Variants in PPP1R12C observed in about 807,000 individuals in gnomAD.
PPP1R12C encodes the protein leukocyte receptor cluster (LRC) encoded novel gene 3.
Under a neutral mutation model 95.6 loss-of-function variants are expected in PPP1R12C, and 48 were observed. That is an observed-to-expected ratio of 0.50 (90% confidence interval 0.40 to 0.64). The LOEUF (loss-of-function observed/expected upper bound fraction) is 0.64. PPP1R12C is among the 30% of genes least tolerant of loss of function. PPP1R12C has a pLI of 0.00. For missense variants in PPP1R12C, 1,057 were observed against 1,083.3 expected (o/e 0.98, Z 0.34); for synonymous variants, 480 against 460.8 (o/e 1.04, Z -0.53).
intron 21 of PPP1R12C, 24 bp downstream of exon 21, chr19:55,091,626 G>A: frequency 6.4e-7 from 1 of 1,556,672 alleles, no homozygotes; most frequent in South Asian, 1.1e-5. Context: ...TCGGCCCTCT[G>A]CCCACAGCCC....
At position 55,092,534 on chromosome 19, in the gene PPP1R12C, C is replaced by G. The variant is rs1445441867; in HGVS notation, c.1963G>C (p.Gly655Arg). The change falls in exon 18 of 22, where the codon GGC becomes CGC. Residue 655 changes from glycine to arginine, a missense_variant. This residue lies in a region of PPP1R12C where 347 missense variants were observed against 307.9 expected (regional missense o/e 1.13). Transcript: ENST00000263433. ...CGCTGCCTGCGGGCCGAGGGGCCGC[C>G]CTCCAGGGTGCTGGGGCAGGGGAGG... is the stretch of plus-strand genomic sequence containing the variant. The part of the protein sequence containing the change: ...DRSQESSTLE[G>R]GPSARRQRWQ... The G allele has an allele frequency of 3.1e-6, 5 of 1,603,888 alleles. No homozygotes were observed. The highest frequency in any genetic ancestry group is 1.3e-5 in the African/African-American group (1 of 74,810).
At chr19:55,095,050 CGTGGTGGCAGCAGG>C in intron 11 of PPP1R12C, 1 of 675,728 alleles carries the variant, frequency 1.5e-6, no homozygotes, top group South Asian at 1.8e-5. Context: ...CGGACGGCGC[CGTGGTGGCAGCAGG>C]GTGGTCAGTG....
At chr19:55,102,063 G>T (rs1454319194) in intron 4 of PPP1R12C, among the ~76,000 whole-genome samples, 1 of 152,056 alleles carries the variant, frequency 6.6e-6, no homozygotes, top group African/African-American at 2.4e-5. Context: ...GATCACAAAA[G>T]AGAGAAGAGG....
chr19:55,103,880 G>A (rs865898372), intron 3 of PPP1R12C, among the ~76,000 whole-genome samples: 1 of 151,694 alleles, frequency 6.6e-6, no homozygotes, highest in African/African-American at 2.4e-5. Context: ...GCCGGGTGCA[G>A]TGGCTCATGC....
chr19:55,099,245 TGC>T (rs1368728301), intron 4 of PPP1R12C, 150 bp from the exon 5 acceptor site: 5 of 922,404 alleles, frequency 5.4e-6, no homozygotes, highest in Non-Finnish European at 7.8e-6. Flanking sequence ...CAGCATCCGC[TGC>T]CACAAGAGGC....
At chr19:55,099,945 T>C (rs1213375537) in intron 4 of PPP1R12C, among the ~76,000 whole-genome samples, 2 of 152,214 alleles carry the variant, frequency 1.3e-5, no homozygotes, top group Admixed American at 1.3e-4. Flanking sequence ...CAGCCTGGGA[T>C]ATTCTACAAA....
rs1302768709 is a variant in PPP1R12C at position 55,117,261 on chromosome 19, C to A, written c.283G>T (p.Asp95Tyr). ...CTGATACCGTCGGCGTTGGTGGAGTCCAGCACGGCGCGGGCGGGCGGCGGC... is the reference window on the plus strand; with the variant it reads ...CTGATACCGTCGGCGTTGGTGGAGTACAGCACGGCGCGGGCGGGCGGCGGC... ...AAPPPARAVL[D>Y]STNADGISAL... Residue 95 changes from aspartate to tyrosine, a missense_variant, in exon 1 of 22, where the codon GAC becomes TAC. Physicochemically the swap from Asp to Tyr is radical, Grantham distance 160. Transcript: ENST00000263433. 1 of 1,227,496 alleles carries A rather than the reference C, an allele frequency of 8.1e-7. No individual in the cohort carries two copies. Among genetic ancestry groups the A allele is most frequent in the Non-Finnish European group, 1.0e-6 (1 of 986,460 alleles). The allele number at this position is 1,227,496 out of a possible 1,614,324, so 76.0% of individuals were successfully genotyped here.
At chr19:55,107,917 C>T (rs1027165950) in intron 3 of PPP1R12C, among the ~76,000 whole-genome samples, 2 of 148,624 alleles carry the variant, frequency 1.3e-5, no homozygotes, top group African/African-American at 2.5e-5. Context: ...AAAATACACA[C>T]AGTATAAAAT....
At chr19:55,094,634 G>A (rs767164579) in intron 12 of PPP1R12C, 27 bp downstream of exon 12, 11 of 1,552,486 alleles carry the variant, frequency 7.1e-6, no homozygotes, top group African/African-American at 5.4e-5. Context: ...GGGCGGGGGC[G>A]GCAGCTTCCT....
At chr19:55,091,932 A>G (rs1191915548) in intron 19 of PPP1R12C, 23 bp from the exon 20 acceptor site, 3 of 1,612,484 alleles carry the variant, frequency 1.9e-6, no homozygotes, top group Non-Finnish European at 2.5e-6. Context: ...CAGAAAGCAC[A>G]GGGGTCAGCA....
intron 9 of PPP1R12C, 25 bp from the exon 10 acceptor site, chr19:55,095,628 TAGAGAG>T (rs1166361907): frequency 6.5e-7 from 1 of 1,533,770 alleles, no homozygotes; most frequent in Non-Finnish European, 8.7e-7. Context: ...AGGTCTCAGT[TAGAGAG>T]AAAGGATCCC....
chr19:55,091,532 G>C lies in PPP1R12C; in HGVS notation c.2289C>G (p.Asn763Lys), dbSNP rs1234023684. The C allele has an allele frequency of 6.2e-7, 1 of 1,613,820 alleles. No individual in the cohort carries two copies. Among genetic ancestry groups the C allele is most frequent in the Non-Finnish European group, 8.5e-7 (1 of 1,179,990 alleles). The stretch of plus-strand genomic sequence containing the variant: ...CTGCATTCTCATCCTTGAGGCGCTG[G>C]TTGTCAGCGCGGAGGTCAGACAGGG... ...LKALSDLRAD[N>K]QRLKDENAAL... The change falls in exon 22 of 22, where the codon AAC becomes AAG. Residue 763 changes from asparagine (N) to lysine (K), a missense_variant. By Grantham distance (94) the Asn-to-Lys change is moderately conservative. Transcript: ENST00000263433.
At chr19:55,112,940 G>A (rs944201219) in intron 1 of PPP1R12C, 145 bp from the exon 2 acceptor site, 10 of 1,189,660 alleles carry the variant, frequency 8.4e-6, no homozygotes, top group Non-Finnish European at 1.2e-5. Flanking sequence ...TCTGGCCACT[G>A]GCTGTTTAAG....
At chr19:55,095,803 G>C (rs79552645) in intron 9 of PPP1R12C, 64 bp downstream of exon 9, 20 of 1,570,072 alleles carry the variant, frequency 1.3e-5, no homozygotes, top group Non-Finnish European at 1.8e-5. Flanking sequence ...AGGTTCACAG[G>C]CTGTATGGAA....
chr19:55,105,690 T>C (rs1186892266), intron 3 of PPP1R12C, among the ~76,000 whole-genome samples: 1 of 152,228 alleles, frequency 6.6e-6, no homozygotes, highest in Non-Finnish European at 1.5e-5. Flanking sequence ...CTCATGCCTG[T>C]AATCCCAGTA....
intron 3 of PPP1R12C, among the ~76,000 whole-genome samples, chr19:55,107,935 CTT>C (rs34454787): frequency 1.8e-4 from 24 of 134,680 alleles, no homozygotes; most frequent in African/African-American, 3.7e-4. Context: ...AATTTACCAT[CTT>C]TTTTTTTTTT....
At chr19:55,099,661 G>A (rs953156104) in intron 4 of PPP1R12C, among the ~76,000 whole-genome samples, 11 of 152,104 alleles carry the variant, frequency 7.2e-5, no homozygotes, top group Admixed American at 5.2e-4. Flanking sequence ...CTCCACACCC[G>A]GCTGCGCTCA....
Position 55,094,425 on chromosome 19 carries a change from T to C in PPP1R12C, c.1603A>G (p.Met535Val). Residue 535 changes from methionine to valine, a missense_variant, in exon 13 of 22, where the codon ATG becomes GTG. Coordinates refer to ENST00000263433, the MANE Select transcript of PPP1R12C (RefSeq NM_017607.4). ...TCCGACTCCTCATCCCGCACAGGCA[T>C]CTGGTAGGACCTGAGGGAAGGGTCC... ...DSRDRRRSYQ[M>V]PVRDEESESQ... is the part of the protein sequence containing the mutation. The C allele has an allele frequency of 6.2e-7, 1 of 1,613,616 alleles. No homozygotes were observed. Among genetic ancestry groups the C allele is most frequent in the Non-Finnish European group, 8.5e-7 (1 of 1,179,996 alleles).
chr19:55,103,062 G>C (rs1217601955), intron 4 of PPP1R12C, among the ~76,000 whole-genome samples: 1 of 152,002 alleles, frequency 6.6e-6, no homozygotes, highest in African/African-American at 2.4e-5. Context: ...GCATGGTGGT[G>C]TGCGCCTGTA....
Sources: allele counts gnomAD v4.1 joint callset (sites outside exome capture counted in the v4.1 genomes callset), GRCh38; gene constraint gnomAD v4.1.1; regional missense constraint gnomAD v4.1.1; transcripts MANE v1.5; gene names NCBI Gene and HGNC (gene_info 2026-07-23, HGNC 2026-07-21).